PDE4B: variants seen among roughly 807,000 people sequenced by gnomAD.
PDE4B encodes the protein 3',5'-cyclic-AMP phosphodiesterase 4B.
Under a neutral mutation model 82.2 loss-of-function variants are expected in PDE4B, and 20 were observed. The observed-to-expected ratio is 0.24, with a 90% CI of 0.17 to 0.35. The LOEUF (loss-of-function observed/expected upper bound fraction) is 0.35. Among genes scored for constraint, PDE4B ranks in the 10% least tolerant of loss-of-function variants. The pLI is 1.00. For missense variants in PDE4B, 655 were observed against 907.2 expected (o/e 0.72, Z 3.57); for synonymous variants, 320 against 318.9 (o/e 1.00, Z -0.04).
intron 16 of PDE4B, among the ~76,000 whole-genome samples, chr1:66,371,999 T>A (rs770238537): frequency 6.6e-6 from 1 of 152,218 alleles, no homozygotes; most frequent in Non-Finnish European, 1.5e-5. Flanking sequence ...TGGAATCAGA[T>A]GAAGCTGGGA....
chr1:66,087,790 T>G, intron 3 of PDE4B, among the ~76,000 whole-genome samples: 1 of 146,412 alleles, frequency 6.8e-6, no homozygotes, highest in Non-Finnish European at 1.5e-5. Flanking sequence ...ACACCGCATA[T>G]TCTCACTCAA....
At chr1:65,891,931 A>G (rs1314707046) in intron 1 of PDE4B, among the ~76,000 whole-genome samples, 1 of 152,090 alleles carries the variant, frequency 6.6e-6, no homozygotes, top group East Asian at 1.9e-4. Flanking sequence ...ATGATCCATG[A>G]TGTCAGGCCC....
intron 3 of PDE4B, among the ~76,000 whole-genome samples, chr1:65,949,456 A>G (rs1411683109): frequency 6.6e-6 from 1 of 152,112 alleles, no homozygotes; most frequent in Non-Finnish European, 1.5e-5. Context: ...GGCTCTTGCC[A>G]GGGCATTAAA....
chr1:65,891,757 G>C (rs1475861285), intron 1 of PDE4B, among the ~76,000 whole-genome samples: 1 of 152,004 alleles, frequency 6.6e-6, no homozygotes, highest in Non-Finnish European at 1.5e-5. Context: ...AAGGTGCACT[G>C]TACTAATAGT....
At chr1:65,842,198 A>AT (rs1449021989) in intron 1 of PDE4B, among the ~76,000 whole-genome samples, 2 of 152,160 alleles carry the variant, frequency 1.3e-5, no homozygotes, top group Non-Finnish European at 2.9e-5. Flanking sequence ...TTTATTGAGT[A>AT]TTGACTTGCC....
At chr1:66,101,396 G>A (rs1399179090) in intron 3 of PDE4B, among the ~76,000 whole-genome samples, 6 of 152,242 alleles carry the variant, frequency 3.9e-5, no homozygotes, top group African/African-American at 1.4e-4. Context: ...AGATCCTTGA[G>A]GCATCACCAC....
chr1:66,313,161 C>G (rs1055376630), intron 7 of PDE4B, among the ~76,000 whole-genome samples: 4 of 152,214 alleles, frequency 2.6e-5, no homozygotes, highest in African/African-American at 9.6e-5. Flanking sequence ...TTAAAATGCA[C>G]TTACCTTCTT....
At chr1:65,824,765 G>C (rs1320396269) in intron 1 of PDE4B, among the ~76,000 whole-genome samples, 1 of 151,978 alleles carries the variant, frequency 6.6e-6, no homozygotes, top group Admixed American at 6.6e-5. Flanking sequence ...AGCCCTTCTT[G>C]GTAGTTTCTT....
intron 3 of PDE4B, among the ~76,000 whole-genome samples, chr1:65,990,507 A>G (rs1271668709): frequency 6.6e-6 from 1 of 152,146 alleles, no homozygotes; most frequent in Non-Finnish European, 1.5e-5. Flanking sequence ...TTATTGCTGG[A>G]GGAAAGTCCC....
intron 3 of PDE4B, among the ~76,000 whole-genome samples, chr1:65,930,512 C>T (rs75716520): frequency 0.014 from 2,182 of 152,308 alleles, 33 homozygotes; most frequent in Non-Finnish European, 0.021. Context: ...GCCACAGGGG[C>T]GGAGCTGCCC....
At chr1:66,218,716 C>T (rs968230198) in intron 3 of PDE4B, among the ~76,000 whole-genome samples, 1 of 152,106 alleles carries the variant, frequency 6.6e-6, no homozygotes, top group Non-Finnish European at 1.5e-5. Flanking sequence ...GATCCTTGTA[C>T]ATATGCTATT....
chr1:66,310,539 C>T (rs1658594200), intron 7 of PDE4B, among the ~76,000 whole-genome samples: 1 of 152,076 alleles, frequency 6.6e-6, no homozygotes. Context: ...CTAGGATACC[C>T]TCTTCTCATA....
chr1:65,875,739 G>A (rs1571052256), intron 1 of PDE4B, among the ~76,000 whole-genome samples: 1 of 144,038 alleles, frequency 6.9e-6, no homozygotes, highest in Non-Finnish European at 1.5e-5. Context: ...CTCATAGGTG[G>A]GAACTGAACA....
At chr1:66,102,614 A>G (rs79671462) in intron 3 of PDE4B, among the ~76,000 whole-genome samples, 4,355 of 152,194 alleles carry the variant, frequency 0.029, 232 homozygotes, top group African/African-American at 0.098. Flanking sequence ...CGTACAAAAT[A>G]TATCTCTTTT....
chr1:66,359,271 A>G (rs1489708899), intron 9 of PDE4B, among the ~76,000 whole-genome samples: 4 of 152,242 alleles, frequency 2.6e-5, no homozygotes, highest in Non-Finnish European at 4.4e-5. Context: ...AAATTATGCC[A>G]TTAACAGAAT....
intron 1 of PDE4B, among the ~76,000 whole-genome samples, chr1:65,846,158 A>G (rs1338871609): frequency 6.6e-6 from 1 of 152,196 alleles, no homozygotes; most frequent in African/African-American, 2.4e-5. Context: ...CCCAGGAAGC[A>G]TCCAATCAGG....
At chr1:65,961,075 G>A (rs945037740) in intron 3 of PDE4B, among the ~76,000 whole-genome samples, 7 of 152,136 alleles carry the variant, frequency 4.6e-5, no homozygotes, top group East Asian at 1.9e-4. Flanking sequence ...ACCTTTGCCC[G>A]TGGAGCTTGT....
At chr1:65,904,432 C>T (rs1221735320) in intron 1 of PDE4B, among the ~76,000 whole-genome samples, 5 of 152,114 alleles carry the variant, frequency 3.3e-5, no homozygotes, top group African/African-American at 1.2e-4. Context: ...CAGTTTTATA[C>T]ACACAATTTA....
chr1:66,344,582 T>C (rs1661249174), intron 8 of PDE4B, among the ~76,000 whole-genome samples: 1 of 152,220 alleles, frequency 6.6e-6, no homozygotes, highest in Admixed American at 6.5e-5. Flanking sequence ...CTTTAGGGCC[T>C]TTAATACAGT....
Sources: allele counts gnomAD v4.1 joint callset (sites outside exome capture counted in the v4.1 genomes callset), GRCh38; gene constraint gnomAD v4.1.1; transcripts MANE v1.5; gene names NCBI Gene and HGNC (gene_info 2026-07-23, HGNC 2026-07-21).